TRIO: variants seen among roughly 807,000 people sequenced by gnomAD.
TRIO encodes the protein triple functional domain protein.
A neutral mutation model predicts 351.9 loss-of-function variants in TRIO; 58 were observed. The observed-to-expected ratio is 0.16, with a 90% confidence interval of 0.13 to 0.21. The LOEUF (loss-of-function observed/expected upper bound fraction) is 0.21, where lower values mean the gene tolerates loss of function less well. TRIO is among the 10% of genes least tolerant of loss of function. The probability of loss-of-function intolerance (pLI) is 1.00; values close to 1 mark genes in which losing one functional copy is unlikely to be tolerated. For synonymous variants in TRIO, 1,758 were observed against 1,595.7 expected, an observed-to-expected ratio of 1.10 and a Z score of -2.42; for missense variants, 3,201 against 4,027.8, an observed-to-expected ratio of 0.79 and a Z score of 5.56.
intron 1 of TRIO, among the ~76,000 whole-genome samples, chr5:14,194,102 A>G (rs1790613334): frequency 6.6e-6 from 1 of 152,132 alleles, no homozygotes; most frequent in Non-Finnish European, 1.5e-5. Flanking sequence ...GTCCACTCAA[A>G]TGTTGAATAT....
At chr5:14,410,435 C>T (rs573974336) in intron 33 of TRIO, among the ~76,000 whole-genome samples, 1 of 152,206 alleles carries the variant, frequency 6.6e-6, no homozygotes, top group East Asian at 1.9e-4. Flanking sequence ...ATGCACTGTC[C>T]CTCTGAACTA....
At chr5:14,339,981 G>A (rs1305495733) in intron 11 of TRIO, among the ~76,000 whole-genome samples, 1 of 152,210 alleles carries the variant, frequency 6.6e-6, no homozygotes, top group Non-Finnish European at 1.5e-5. Flanking sequence ...TTTGCATAAA[G>A]TCACTAAATG....
chr5:14,488,705 TTTTG>T, intron 48 of TRIO: 1 of 564,834 alleles, frequency 1.8e-6, no homozygotes, highest in Non-Finnish European at 3.2e-6. Flanking sequence ...TTTGCGGCAT[TTTTG>T]ACTCATCTGC....
At chr5:14,448,832 A>C (rs1752633830) in intron 34 of TRIO, among the ~76,000 whole-genome samples, 1 of 152,154 alleles carries the variant, frequency 6.6e-6, no homozygotes, top group Admixed American at 6.5e-5. Flanking sequence ...AATGAGTCCA[A>C]GTCCCCTCCC....
chr5:14,188,531 C>T (rs1324110140), intron 1 of TRIO, among the ~76,000 whole-genome samples: 3 of 152,036 alleles, frequency 2.0e-5, no homozygotes, highest in Non-Finnish European at 2.9e-5. Context: ...TGAAATTAGC[C>T]CCGTGGGTTT....
chr5:14,245,134 C>T (rs1393085211), intron 1 of TRIO, among the ~76,000 whole-genome samples: 1 of 152,214 alleles, frequency 6.6e-6, no homozygotes, highest in South Asian at 2.1e-4. Flanking sequence ...TATTGTTCCT[C>T]TGTAAGGGTT....
intron 11 of TRIO, among the ~76,000 whole-genome samples, chr5:14,349,697 C>T (rs1262288802): frequency 6.6e-6 from 1 of 151,988 alleles, no homozygotes; most frequent in Non-Finnish European, 1.5e-5. Context: ...TAATATAAAC[C>T]AAAATCCGTC....
At chr5:14,488,602 T>G (rs1756229983) in intron 48 of TRIO, 1 of 497,516 alleles carries the variant, frequency 2.0e-6, no homozygotes, top group Non-Finnish European at 3.6e-6. Context: ...GGGTTCCTTT[T>G]CCCTGCTCTC....
At chr5:14,229,471 T>G (rs1412780820) in intron 1 of TRIO, among the ~76,000 whole-genome samples, 1 of 152,278 alleles carries the variant, frequency 6.6e-6, no homozygotes, top group East Asian at 1.9e-4. Context: ...GTACTACTAG[T>G]CAGTGAAACT....
chr5:14,271,667 T>A (rs1350370041), intron 2 of TRIO, among the ~76,000 whole-genome samples: 1 of 152,232 alleles, frequency 6.6e-6, no homozygotes, highest in Non-Finnish European at 1.5e-5. Flanking sequence ...TTCTGCTCTA[T>A]CAGGAAGTAC....
intron 27 of TRIO, 49 bp downstream of exon 27, chr5:14,391,039 T>C: frequency 6.9e-7 from 1 of 1,451,906 alleles, no homozygotes; most frequent in Non-Finnish European, 9.4e-7. Context: ...GTTGTGTACA[T>C]AAAATGCGGC....
At chr5:14,313,636 C>G (rs1739120947) in intron 8 of TRIO, among the ~76,000 whole-genome samples, 1 of 152,156 alleles carries the variant, frequency 6.6e-6, no homozygotes, top group Admixed American at 6.5e-5. Context: ...TGTGGTAGCT[C>G]TATTAGTAAG....
chr5:14,350,052 G>A (rs908114289), intron 11 of TRIO, among the ~76,000 whole-genome samples: 5 of 152,302 alleles, frequency 3.3e-5, no homozygotes, highest in South Asian at 2.1e-4. Flanking sequence ...CAAAGGACAC[G>A]ATCTTTCTTT....
rs376476508 is a variant in TRIO, at chr5:14,388,564, A to G, written c.3882-49A>G. On this transcript the variant is annotated intron_variant, in intron 23 of 56. Coordinates refer to ENST00000344204, the MANE Select transcript of TRIO (RefSeq NM_007118.4). ...CATAAATCCATAAAAGTAGATAGTGAAGTAAGCTGCACCCTGACTGTACTC... is the reference window on the plus strand; with the variant it reads ...CATAAATCCATAAAAGTAGATAGTGGAGTAAGCTGCACCCTGACTGTACTC... 115 of 1,541,050 alleles carry G rather than the reference A, an allele frequency of 7.5e-5. No individual in the cohort carries two copies. The African/African-American group carries it at 1.3e-3, about 17-fold the overall frequency.
At chr5:14,154,565 T>C (rs954533204) in intron 1 of TRIO, among the ~76,000 whole-genome samples, 1 of 152,092 alleles carries the variant, frequency 6.6e-6, no homozygotes, top group African/African-American at 2.4e-5. Flanking sequence ...GTTCTGTGTG[T>C]GGGTTGCGTT....
chr5:14,395,113 A>T (rs1034577689), intron 28 of TRIO, among the ~76,000 whole-genome samples: 3 of 152,094 alleles, frequency 2.0e-5, no homozygotes, highest in Non-Finnish European at 2.9e-5. Context: ...AAATGCTGGA[A>T]CTCTTCTTTA....
chr5:14,289,311 G>C (rs1736710235), intron 4 of TRIO, among the ~76,000 whole-genome samples: 1 of 152,106 alleles, frequency 6.6e-6, no homozygotes, highest in Admixed American at 6.5e-5. Context: ...CTTGAAATCG[G>C]AAGGTGTAGG....
chr5:14,266,356 C>G (rs1295097176), intron 1 of TRIO, among the ~76,000 whole-genome samples: 1 of 152,190 alleles, frequency 6.6e-6, no homozygotes, highest in Non-Finnish European at 1.5e-5. Context: ...CAACCCACAT[C>G]TGATGAATGC....
intron 1 of TRIO, among the ~76,000 whole-genome samples, chr5:14,261,843 C>T (rs1795364172): frequency 6.6e-6 from 1 of 152,156 alleles, no homozygotes; most frequent in Non-Finnish European, 1.5e-5. Context: ...GGTAAAAACC[C>T]TTTTCTCCTT....
Sources: allele counts gnomAD v4.1 joint callset (sites outside exome capture counted in the v4.1 genomes callset), GRCh38; gene constraint gnomAD v4.1.1; transcripts MANE v1.5; gene names NCBI Gene and HGNC (gene_info 2026-07-23, HGNC 2026-07-21).